Variants in MYO5B observed in about 807,000 individuals in gnomAD.
The protein encoded by MYO5B is myosin VB.
MYO5B carries 143 observed loss-of-function variants against 229.3 expected under a neutral mutation model. The observed-to-expected ratio is 0.62, with a 90% CI of 0.54 to 0.72. MYO5B has a LOEUF of 0.72. Ranked by LOEUF, MYO5B falls within the 30% of genes least tolerant of loss-of-function variation. The probability of loss-of-function intolerance (pLI) is 0.00; values close to 1 mark genes in which losing one functional copy is unlikely to be tolerated. For synonymous variants in MYO5B, 918 were observed against 885.2 expected, an observed-to-expected ratio of 1.04 and a Z score of -0.66; for missense variants, 2,321 against 2,331.0, an observed-to-expected ratio of 1.00 and a Z score of 0.09.
At chr18:49,976,985 A>C (rs2090742825) in intron 9 of MYO5B, among the ~76,000 whole-genome samples, 1 of 152,184 alleles carries the variant, frequency 6.6e-6, no homozygotes, top group African/African-American at 2.4e-5. Flanking sequence ...CTGACATTTA[A>C]GTGGCCTGCC....
chr18:49,862,540 T>C (rs913406162), intron 29 of MYO5B, among the ~76,000 whole-genome samples: 1 of 152,172 alleles, frequency 6.6e-6, no homozygotes. Context: ...TACTAAACCG[T>C]GAGGAGTGGA....
chr18:50,043,823 C>T (rs2030142167), intron 2 of MYO5B, among the ~76,000 whole-genome samples: 2 of 151,412 alleles, frequency 1.3e-5, no homozygotes, highest in South Asian at 4.1e-4. Flanking sequence ...TGTTCTCACT[C>T]ATAAGCAGGA....
chr18:49,864,433 C>G (rs1029655181), intron 27 of MYO5B, 53 bp from the exon 28 acceptor site: 1 of 1,601,306 alleles, frequency 6.2e-7, no homozygotes, highest in Non-Finnish European at 8.5e-7. Context: ...AGGGCTCTCT[C>G]CCTGTGTGGG....
chr18:50,159,626 G>C (rs2032734000), intron 1 of MYO5B, among the ~76,000 whole-genome samples: 1 of 152,072 alleles, frequency 6.6e-6, no homozygotes, highest in Non-Finnish European at 1.5e-5. Flanking sequence ...CTCCCCCACA[G>C]ACTTGTCTCC....
chr18:49,898,949 T>C (rs1055864703), intron 21 of MYO5B, among the ~76,000 whole-genome samples: 1 of 152,182 alleles, frequency 6.6e-6, no homozygotes, highest in Admixed American at 6.5e-5. Flanking sequence ...AACCCTACTC[T>C]AGCCAGATCA....
chr18:50,035,953 T>A (rs2026443580), intron 4 of MYO5B, among the ~76,000 whole-genome samples: 1 of 152,176 alleles, frequency 6.6e-6, no homozygotes, highest in South Asian at 2.1e-4. Context: ...ATGGAAATTT[T>A]CACTGGGATG....
chr18:49,953,081 C>A (rs953287989), intron 14 of MYO5B, among the ~76,000 whole-genome samples, 179 bp downstream of exon 14: 1 of 152,132 alleles, frequency 6.6e-6, no homozygotes, highest in Non-Finnish European at 1.5e-5. Context: ...CAAGATTGGA[C>A]ACATTCACAG....
intron 1 of MYO5B, among the ~76,000 whole-genome samples, chr18:50,183,861 T>A (rs1452005725): frequency 1.3e-5 from 2 of 152,140 alleles, no homozygotes; most frequent in African/African-American, 4.8e-5. Context: ...TTCGTTCTCC[T>A]GGGAATGGAT....
At chr18:49,962,507 G>C (rs781117499) in intron 11 of MYO5B, 101 bp from the exon 12 acceptor site, 6 of 1,498,654 alleles carry the variant, frequency 4.0e-6, no homozygotes, top group Non-Finnish European at 5.5e-6. Context: ...GGACAGCAGA[G>C]AACTGCCAGA....
chr18:50,020,901 C>CATACCTACTCAGAATTTTAA (rs2026266453), intron 4 of MYO5B, among the ~76,000 whole-genome samples: 1 of 152,208 alleles, frequency 6.6e-6, no homozygotes, highest in Non-Finnish European at 1.5e-5. Context: ...TATCTAATTA[C>CATACCTACTCAGAATTTTAA]ATACCTACTC....
At chr18:50,081,369 C>T (rs1045576187) in intron 1 of MYO5B, among the ~76,000 whole-genome samples, 2 of 152,184 alleles carry the variant, frequency 1.3e-5, no homozygotes, top group Non-Finnish European at 2.9e-5. Context: ...TTTTAAATAA[C>T]CAGCTAACAG....
intron 14 of MYO5B, among the ~76,000 whole-genome samples, chr18:49,941,562 G>A (rs539777956): frequency 1.3e-5 from 2 of 152,214 alleles, no homozygotes; most frequent in South Asian, 2.1e-4. Flanking sequence ...CAGGTACCCT[G>A]GAGGGTACCC....
intron 4 of MYO5B, among the ~76,000 whole-genome samples, chr18:50,010,917 T>A (rs1048977923): frequency 2.0e-4 from 31 of 152,226 alleles, no homozygotes; most frequent in African/African-American, 7.0e-4. Flanking sequence ...CAGGTGCATG[T>A]GAGTCCCTCA....
intron 10 of MYO5B, chr18:49,969,863 T>C (rs2025671637): frequency 2.0e-5 from 3 of 152,270 alleles, no homozygotes; most frequent in African/African-American, 2.4e-5. Context: ...TCTCCCCAGC[T>C]GTTCCTCAGC....
At chr18:50,030,916 A>G (rs1419855992) in intron 4 of MYO5B, among the ~76,000 whole-genome samples, 1 of 124,104 alleles carries the variant, frequency 8.1e-6, no homozygotes, top group Non-Finnish European at 1.7e-5. Context: ...AAAAAAAAAA[A>G]GCACAAATAA....
At chr18:50,070,577 CA>C (rs1199717297) in intron 1 of MYO5B, among the ~76,000 whole-genome samples, 1 of 151,988 alleles carries the variant, frequency 6.6e-6, no homozygotes, top group Non-Finnish European at 1.5e-5. Context: ...CCCTTGACAA[CA>C]AAAAATTATC....
At chr18:50,109,797 G>A (rs1208908847) in intron 1 of MYO5B, among the ~76,000 whole-genome samples, 2 of 152,138 alleles carry the variant, frequency 1.3e-5, no homozygotes, top group Middle Eastern at 3.2e-3. Context: ...GCAGCACCAT[G>A]GTGAGCTACA....
At chr18:50,038,631 G>A (rs1331260196) in intron 3 of MYO5B, among the ~76,000 whole-genome samples, 14 of 152,098 alleles carry the variant, frequency 9.2e-5, no homozygotes, top group Non-Finnish European at 2.9e-5. Flanking sequence ...AAACATCCTG[G>A]CCCCTCCAGA....
At chr18:50,015,984 C>T (rs944692785) in intron 4 of MYO5B, among the ~76,000 whole-genome samples, 4 of 152,172 alleles carry the variant, frequency 2.6e-5, no homozygotes, top group South Asian at 2.1e-4. Flanking sequence ...AAGCCTACCT[C>T]GAAAACCTGT....
Sources: allele counts gnomAD v4.1 joint callset (sites outside exome capture counted in the v4.1 genomes callset), GRCh38; gene constraint gnomAD v4.1.1; transcripts MANE v1.5; gene names NCBI Gene and HGNC (gene_info 2026-07-23, HGNC 2026-07-21).